Variants in IGF2BP3 observed in about 807,000 individuals in gnomAD.
The protein encoded by IGF2BP3 is insulin-like growth factor 2 mRNA-binding protein 3.
A neutral mutation model predicts 73.8 loss-of-function variants in IGF2BP3; 9 were observed. That is an observed-to-expected ratio of 0.12 (90% CI 0.07 to 0.21). The LOEUF is 0.21. Among genes scored for constraint, IGF2BP3 ranks in the 10% least tolerant of loss-of-function variants. IGF2BP3 has a pLI of 1.00. For missense variants in IGF2BP3, 542 were observed against 714.0 expected (o/e 0.76, Z 2.75); for synonymous variants, 258 against 256.7 (o/e 1.01, Z -0.05).
chr7:23,340,856 TTTTTTTTTTC>T (rs1784692005), intron 10 of IGF2BP3, among the ~76,000 whole-genome samples: 1 of 146,078 alleles, frequency 6.8e-6, no homozygotes, highest in South Asian at 2.2e-4. Flanking sequence ...TTTCTTTTTT[TTTTTTTTTTC>T]CCAGACAGAG....
At position 23,351,579 on chromosome 7, in the gene IGF2BP3, C is replaced by T. The variant is rs1784963289; in HGVS notation, c.409G>A (p.Asp137Asn). 1.9e-6 allele frequency: 3 copies of T among 1,614,030 alleles called. No homozygotes were observed. The highest frequency in any genetic ancestry group is 1.7e-4 in the Middle Eastern group (1 of 6,060). ...SSKDQARQALDKLNGFQLENF... is the reference protein window; with the variant it reads ...SSKDQARQALNKLNGFQLENF... ...TCTAACTGAAATCCATTCAGTTTGT[C>T]TAGTGCTCTGAAAGTTGAAAAGGGG... is the stretch of plus-strand genomic sequence containing the variant. The change falls in exon 6 of 15, where the codon GAC becomes AAC. Residue 137 changes from aspartate to asparagine, a missense_variant. Coordinates refer to ENST00000258729, the MANE Select transcript of IGF2BP3 (RefSeq NM_006547.3).
At chr7:23,345,448 T>C (rs957591432) in intron 8 of IGF2BP3, among the ~76,000 whole-genome samples, 1 of 152,210 alleles carries the variant, frequency 6.6e-6, no homozygotes, top group African/African-American at 2.4e-5. Context: ...AGCAGCTCTG[T>C]GGAGAAGCCC....
intron 2 of IGF2BP3, among the ~76,000 whole-genome samples, chr7:23,454,881 C>T (rs11772260): frequency 0.35 from 52,788 of 152,102 alleles, 9,551 homozygotes; most frequent in Middle Eastern, 0.41. Flanking sequence ...CATTGATTGT[C>T]TTGCCACAGC....
At chr7:23,460,107 C>A (rs1438873440) in intron 2 of IGF2BP3, among the ~76,000 whole-genome samples, 2 of 63,668 alleles carry the variant, frequency 3.1e-5, no homozygotes, top group South Asian at 4.7e-4. Context: ...GAGGCATGTG[C>A]CTGTAGGTGC....
chr7:23,461,704 T>C (rs1224023350), intron 2 of IGF2BP3, among the ~76,000 whole-genome samples: 1 of 152,244 alleles, frequency 6.6e-6, no homozygotes, highest in Non-Finnish European at 1.5e-5. Context: ...ACAACTGTGC[T>C]AAATGCAATT....
In IGF2BP3 at chr7:23,334,419, TAATTTA is replaced by T. The variant is rs148166307; in HGVS notation, c.1203+7639_1203+7644del. Among the ~76,000 whole-genome samples, 195 of 152,364 alleles carry T rather than the reference TAATTTA, an allele frequency of 1.3e-3. 1 individual carries two copies. Among genetic ancestry groups the T allele is most frequent in the African/African-American group, 4.6e-3 (190 of 41,592 alleles). On this transcript the variant is annotated intron_variant, in intron 10 of 14. Transcript: ENST00000258729. ...GATTTGGACACCCCAAATAGGCAGATAATTTAAATTTTTACTTGCAAAACTCAGCAG... is the reference window on the plus strand; with the variant it reads ...GATTTGGACACCCCAAATAGGCAGATAATTTTTACTTGCAAAACTCAGCAG...
intron 3 of IGF2BP3, among the ~76,000 whole-genome samples, chr7:23,412,129 T>C (rs146443238): frequency 7.8e-4 from 118 of 151,930 alleles, no homozygotes; most frequent in African/African-American, 2.7e-3. Context: ...ATTACAGGCA[T>C]GCGCTACCAT....
At chr7:23,371,480 C>T (rs1785546661) in intron 3 of IGF2BP3, among the ~76,000 whole-genome samples, 1 of 152,096 alleles carries the variant, frequency 6.6e-6, no homozygotes, top group East Asian at 1.9e-4. Flanking sequence ...ATAATCATTT[C>T]CAGTTAAATA....
chr7:23,459,587 C>T lies in IGF2BP3; in HGVS notation c.236+8895G>A, dbSNP rs555337363. Among the ~76,000 whole-genome samples, 61 of 152,198 alleles carry T rather than the reference C, an allele frequency of 4.0e-4. No individual in the cohort carries two copies. The South Asian group carries it at 0.01, about 26-fold the overall frequency. ...GTGACTCAAGCCTGTAATTCCAGCA[C>T]TTTGGGAGGCCGAGGTGGGCAAATC... On this transcript the variant is annotated intron_variant, in intron 2 of 14. Transcript: ENST00000258729.
At chr7:23,338,619 T>C (rs1784632794) in intron 10 of IGF2BP3, among the ~76,000 whole-genome samples, 1 of 152,208 alleles carries the variant, frequency 6.6e-6, no homozygotes, top group South Asian at 2.1e-4. Context: ...ACACAAGTTC[T>C]TAACTAATCA....
At chr7:23,361,256 GC>G in intron 5 of IGF2BP3, 2 of 292,986 alleles carry the variant, frequency 6.8e-6, no homozygotes, top group South Asian at 4.9e-5. Context: ...CAATACCAAG[GC>G]CCAGAGCTTC....
At chr7:23,452,096 C>A (rs1788213599) in intron 2 of IGF2BP3, among the ~76,000 whole-genome samples, 1 of 151,810 alleles carries the variant, frequency 6.6e-6, no homozygotes, top group African/African-American at 2.4e-5. Context: ...GCTCCGCTTC[C>A]TGGGTCCACG....
intron 3 of IGF2BP3, among the ~76,000 whole-genome samples, chr7:23,375,516 T>C (rs1367371533): frequency 6.6e-6 from 1 of 152,140 alleles, no homozygotes; most frequent in East Asian, 1.9e-4. Context: ...CAAACACCAG[T>C]TTTAGTAACT....
chr7:23,362,851 T>G (rs2128508522), intron 3 of IGF2BP3, among the ~76,000 whole-genome samples: 1 of 152,034 alleles, frequency 6.6e-6, no homozygotes, highest in Middle Eastern at 3.4e-3. Flanking sequence ...CCTTCTGAGT[T>G]TAAGTGATCT....
chr7:23,321,627 G>C (rs1028298953), intron 10 of IGF2BP3, among the ~76,000 whole-genome samples: 1 of 152,260 alleles, frequency 6.6e-6, no homozygotes, highest in African/African-American at 2.4e-5. Context: ...GCAGGGCACA[G>C]ACAGACAAAA....
chr7:23,456,822 A>C (rs997626693), intron 2 of IGF2BP3, among the ~76,000 whole-genome samples: 1 of 151,452 alleles, frequency 6.6e-6, no homozygotes, highest in Non-Finnish European at 1.5e-5. Context: ...GGCCGCGGCG[A>C]GGGGATCACG....
intron 10 of IGF2BP3, among the ~76,000 whole-genome samples, chr7:23,320,751 C>A (rs1784114995): frequency 6.6e-6 from 1 of 150,498 alleles, no homozygotes; most frequent in South Asian, 2.1e-4. Flanking sequence ...AGTTTGAGAC[C>A]AGCCTGGGCA....
intron 5 of IGF2BP3, among the ~76,000 whole-genome samples, chr7:23,353,801 T>TAA (rs1785025581): frequency 6.6e-6 from 1 of 152,226 alleles, no homozygotes; most frequent in African/African-American, 2.4e-5. Flanking sequence ...GACAGAACGT[T>TAA]AAGTTAACGC....
intron 3 of IGF2BP3, among the ~76,000 whole-genome samples, chr7:23,406,778 C>T (rs1420750752): frequency 6.6e-6 from 1 of 152,122 alleles, no homozygotes; most frequent in African/African-American, 2.4e-5. Context: ...CATTTACAAA[C>T]CCTTAGCTAG....
Sources: allele counts gnomAD v4.1 joint callset (sites outside exome capture counted in the v4.1 genomes callset), GRCh38; gene constraint gnomAD v4.1.1; transcripts MANE v1.5; gene names NCBI Gene and HGNC (gene_info 2026-07-23, HGNC 2026-07-21).